ARFIP1: variants seen among roughly 807,000 people sequenced by gnomAD.
ARFIP1 encodes the protein arfaptin-1.
ARFIP1 carries 24 observed loss-of-function variants against 42.5 expected under a neutral mutation model. The ratio of observed to expected loss-of-function variants is 0.57; its 90% CI spans 0.41 to 0.80. ARFIP1 has a LOEUF of 0.80. ARFIP1 is among the 30% of genes least tolerant of loss of function. The pLI is 0.00. For missense variants in ARFIP1, 354 were observed against 434.0 expected (o/e 0.82, Z 1.64); for synonymous variants, 141 against 153.7 (o/e 0.92, Z 0.61).
At chr4:152,787,279 T>C (rs906651670) in intron 1 of ARFIP1, among the ~76,000 whole-genome samples, 3 of 152,238 alleles carry the variant, frequency 2.0e-5, no homozygotes, top group Non-Finnish European at 4.4e-5. Context: ...AGTTTGAACA[T>C]TCCTAATCCA....
At chr4:152,886,216 C>T (rs1013359241) in intron 7 of ARFIP1, among the ~76,000 whole-genome samples, 5 of 151,942 alleles carry the variant, frequency 3.3e-5, no homozygotes, top group African/African-American at 1.2e-4. Context: ...TTTATTCTAT[C>T]CTCCATCTCT....
intron 2 of ARFIP1, among the ~76,000 whole-genome samples, chr4:152,862,081 C>T (rs911444992): frequency 6.2e-4 from 94 of 152,140 alleles, no homozygotes; most frequent in African/African-American, 2.7e-4. Flanking sequence ...ATTCATTTAC[C>T]GCTATCTCTC....
At chr4:152,872,625 A>G in intron 5 of ARFIP1, 61 bp downstream of exon 5, 1 of 890,132 alleles carries the variant, frequency 1.1e-6, no homozygotes, top group Non-Finnish European at 1.7e-6. Flanking sequence ...TTATATGTTT[A>G]TTCAAGTCAT....
intron 3 of ARFIP1, among the ~76,000 whole-genome samples, chr4:152,866,467 T>C (rs1734353572): frequency 6.7e-6 from 1 of 149,724 alleles, no homozygotes; most frequent in Non-Finnish European, 1.5e-5. Flanking sequence ...GCCCCTCACC[T>C]CCCGGACGGG....
At chr4:152,796,455 T>C in intron 1 of ARFIP1, 1 of 738,266 alleles carries the variant, frequency 1.4e-6, no homozygotes, top group Admixed American at 2.0e-5. Flanking sequence ...TGCTTCTGTT[T>C]CTCCCTGGGC....
At chr4:152,887,871 T>C (rs1736391246) in intron 7 of ARFIP1, among the ~76,000 whole-genome samples, 1 of 152,110 alleles carries the variant, frequency 6.6e-6, no homozygotes, top group Non-Finnish European at 1.5e-5. Context: ...AACTGGTTTT[T>C]AGATTTTGGA....
chr4:152,904,866 T>C (rs7662257), intron 8 of ARFIP1, among the ~76,000 whole-genome samples: 238 of 152,350 alleles, frequency 1.6e-3, no homozygotes, highest in African/African-American at 5.3e-3. Flanking sequence ...TGTGTGCATG[T>C]ATCTTTATAA....
rs377259978 is a variant in ARFIP1, at chr4:152,881,100, G to A, written c.549G>A (p.Ser183=). The change falls in exon 6 of 9, where the codon TCG becomes TCA. Residue 183 remains serine (S), a synonymous_variant. Transcript: ENST00000353617. Reference sequence around the variant, plus strand: ...TTTTAAAACTGGCTCAAACATTGTCGACCCAGCTTTTCCAGATGGTACATA... The same window carrying A: ...TTTTAAAACTGGCTCAAACATTGTCAACCCAGCTTTTCCAGATGGTACATA... ...ENILKLAQTL[S]TQLFQMVHTQ... 21 of 1,613,636 alleles carry A rather than the reference G, an allele frequency of 1.3e-5. No individual in the cohort carries two copies. The highest frequency in any genetic ancestry group is 5.3e-5 in the African/African-American group (4 of 74,900).
At chr4:152,893,966 C>T (rs1056598843) in intron 8 of ARFIP1, among the ~76,000 whole-genome samples, 19 of 151,898 alleles carry the variant, frequency 1.3e-4, no homozygotes, top group Non-Finnish European at 2.6e-4. Flanking sequence ...GCCTGTAATC[C>T]TAGCACTTTG....
intron 1 of ARFIP1, 139 bp from the exon 2 acceptor site, chr4:152,829,486 A>G (rs1578885187): frequency 2.0e-6 from 1 of 508,554 alleles, no homozygotes; most frequent in South Asian, 3.9e-5. Context: ...TTATATATGT[A>G]TTCTGTTTAT....
chr4:152,827,026 A>G (rs1730891614), intron 1 of ARFIP1, among the ~76,000 whole-genome samples: 1 of 152,188 alleles, frequency 6.6e-6, no homozygotes. Flanking sequence ...GGAGGTGGAA[A>G]ATGGAGAGCA....
chr4:152,825,952 G>C (rs1236264951), intron 1 of ARFIP1, among the ~76,000 whole-genome samples: 1 of 152,098 alleles, frequency 6.6e-6, no homozygotes, highest in African/African-American at 2.4e-5. Context: ...AAACCACCGT[G>C]AGATACCACC....
chr4:152,803,986 T>A (rs1052811237), intron 1 of ARFIP1, among the ~76,000 whole-genome samples: 5 of 131,308 alleles, frequency 3.8e-5, no homozygotes, highest in South Asian at 4.5e-4. Flanking sequence ...TATATATATT[T>A]TATATATATA....
chr4:152,844,240 G>A (rs369919522), intron 2 of ARFIP1, among the ~76,000 whole-genome samples: 1 of 152,184 alleles, frequency 6.6e-6, no homozygotes, highest in Admixed American at 6.5e-5. Context: ...TCCCACTTCC[G>A]TAGTTGGGGC....
chr4:152,814,010 A>G (rs1729671337), intron 1 of ARFIP1, among the ~76,000 whole-genome samples: 1 of 152,084 alleles, frequency 6.6e-6, no homozygotes, highest in South Asian at 2.1e-4. Flanking sequence ...TTTGTCCAAA[A>G]ATATCTATTT....
At chr4:152,848,081 G>T (rs747612036) in intron 2 of ARFIP1, among the ~76,000 whole-genome samples, 5 of 151,920 alleles carry the variant, frequency 3.3e-5, no homozygotes, top group Non-Finnish European at 5.9e-5. Context: ...CAGAGTATTC[G>T]TTCAGTAGAA....
chr4:152,879,398 G>A (rs1735639743), intron 5 of ARFIP1, among the ~76,000 whole-genome samples: 1 of 152,098 alleles, frequency 6.6e-6, no homozygotes, highest in Non-Finnish European at 1.5e-5. Context: ...GGAAAGTCTA[G>A]TATACCTATC....
intron 2 of ARFIP1, among the ~76,000 whole-genome samples, chr4:152,846,197 C>T (rs1197493196): frequency 3.3e-5 from 5 of 151,964 alleles, no homozygotes; most frequent in Admixed American, 1.3e-4. Context: ...AAACTGGGAA[C>T]GACTAGAGTA....
intron 7 of ARFIP1, among the ~76,000 whole-genome samples, chr4:152,884,038 A>T (rs1736071875): frequency 6.6e-6 from 1 of 151,954 alleles, no homozygotes; most frequent in Non-Finnish European, 1.5e-5. Context: ...ATTTCCTTAC[A>T]CTTCAATTAA....
Sources: allele counts gnomAD v4.1 joint callset (sites outside exome capture counted in the v4.1 genomes callset), GRCh38; gene constraint gnomAD v4.1.1; transcripts MANE v1.5; gene names NCBI Gene and HGNC (gene_info 2026-07-23, HGNC 2026-07-21).